FRMD4A: variants seen among roughly 807,000 people sequenced by gnomAD.
FRMD4A encodes the protein FERM domain-containing protein 4A.
In FRMD4A, 29 loss-of-function variants were observed where a neutral mutation model predicts 129.1. The observed-to-expected ratio is 0.22, with a 90% CI of 0.17 to 0.31. The LOEUF is 0.31. Ranked by LOEUF, FRMD4A falls within the 10% of genes least tolerant of loss-of-function variation. The probability of loss-of-function intolerance (pLI) is 1.00; values close to 1 mark genes in which losing one functional copy is unlikely to be tolerated. For synonymous variants in FRMD4A, 634 were observed against 571.6 expected (o/e 1.11, Z -1.56); for missense variants, 1,272 against 1,375.8 (o/e 0.92, Z 1.19).
intron 2 of FRMD4A, among the ~76,000 whole-genome samples, chr10:14,118,131 A>G (rs1838297730): frequency 6.6e-6 from 1 of 152,068 alleles, no homozygotes; most frequent in African/African-American, 2.4e-5. Context: ...TAAACTCCAA[A>G]CCTCCATATG....
rs566226178 is a variant in FRMD4A at position 14,139,797 on chromosome 10, A to G, written c.45+190261T>C. On this transcript the variant is annotated intron_variant, in intron 2 of 24. Coordinates refer to ENST00000357447, the MANE Select transcript of FRMD4A (RefSeq NM_018027.5). ...ATTGTTACTCTTGGGCTTCCGGGAC[A>G]GCAGATTTGGTTCAATTATCTTTCT... 4.6e-5 allele frequency among the ~76,000 whole-genome samples: 7 copies of G among 152,298 alleles called. No individual in the cohort carries two copies. In the East Asian group the frequency reaches 1.2e-3, roughly 25 times the overall value.
intron 2 of FRMD4A, among the ~76,000 whole-genome samples, chr10:14,190,679 T>G (rs989422608): frequency 6.6e-6 from 1 of 152,210 alleles, no homozygotes; most frequent in Admixed American, 6.5e-5. Context: ...AGCCCCGGCA[T>G]CTGTCAACAC....
chr10:13,800,218 C>T (rs1372797939), intron 4 of FRMD4A, among the ~76,000 whole-genome samples: 1 of 152,066 alleles, frequency 6.6e-6, no homozygotes, highest in African/African-American at 2.4e-5. Context: ...CATGACCTAT[C>T]TCTCAACGAT....
intron 2 of FRMD4A, among the ~76,000 whole-genome samples, chr10:14,059,550 A>T (rs1282252397): frequency 1.3e-5 from 2 of 152,310 alleles, no homozygotes; most frequent in South Asian, 2.1e-4. Flanking sequence ...TAAGCAAGGA[A>T]GAGAGCTCTC....
At chr10:14,304,460 T>G (rs1279714410) in intron 2 of FRMD4A, among the ~76,000 whole-genome samples, 1 of 152,230 alleles carries the variant, frequency 6.6e-6, no homozygotes, top group East Asian at 1.9e-4. Flanking sequence ...CAGCGTCTCC[T>G]GATTTCTTGC....
chr10:14,241,858 G>A (rs1844061200), intron 2 of FRMD4A, among the ~76,000 whole-genome samples: 1 of 152,028 alleles, frequency 6.6e-6, no homozygotes, highest in Non-Finnish European at 1.5e-5. Flanking sequence ...GGACCCCAAG[G>A]CCACACATGC....
chr10:13,688,216 A>G (rs1054522599), intron 15 of FRMD4A, among the ~76,000 whole-genome samples: 9 of 152,204 alleles, frequency 5.9e-5, no homozygotes, highest in Admixed American at 5.9e-4. Flanking sequence ...ATGCAGCCAT[A>G]AAAAATGATG....
Position 14,107,440 on chromosome 10 carries a change from G to A in FRMD4A, c.45+222618C>T, listed in dbSNP as rs1169254015. On this transcript the variant is annotated intron_variant, in intron 2 of 24. Coordinates refer to ENST00000357447, the MANE Select transcript of FRMD4A (RefSeq NM_018027.5). ...ATGCCATCAACCGATGTATATTTAGGATTTTTTAAAAAATATTTAGGAGTT... is the reference window on the plus strand; with the variant it reads ...ATGCCATCAACCGATGTATATTTAGAATTTTTTAAAAAATATTTAGGAGTT... Among the ~76,000 whole-genome samples the A allele has an allele frequency of 7.2e-5, 11 of 152,200 alleles. 1 individual carries two copies. The highest frequency in any genetic ancestry group is 6.8e-3 in the Middle Eastern group (2 of 294).
intron 2 of FRMD4A, among the ~76,000 whole-genome samples, chr10:14,231,385 CA>C (rs1245290300): frequency 6.6e-6 from 1 of 151,540 alleles, no homozygotes; most frequent in Non-Finnish European, 1.5e-5. Flanking sequence ...CTCTGTCACC[CA>C]GGCTGGAGTG....
chr10:14,121,785 G>A (rs141321667), intron 2 of FRMD4A, among the ~76,000 whole-genome samples: 2 of 152,306 alleles, frequency 1.3e-5, no homozygotes, highest in South Asian at 2.1e-4. Flanking sequence ...GGTTGACAGC[G>A]TGAACTTGGG....
chr10:13,844,088 G>C (rs986884076), intron 3 of FRMD4A, among the ~76,000 whole-genome samples: 2 of 152,178 alleles, frequency 1.3e-5, no homozygotes, highest in Admixed American at 1.3e-4. Flanking sequence ...GAGAGTGTGT[G>C]TGTGTTATAT....
chr10:13,915,057 C>T (rs2131239333), intron 2 of FRMD4A, among the ~76,000 whole-genome samples: 1 of 152,242 alleles, frequency 6.6e-6, no homozygotes, highest in East Asian at 1.9e-4. Flanking sequence ...CCACAACAAA[C>T]CACAGTGTTC....
intron 3 of FRMD4A, among the ~76,000 whole-genome samples, chr10:13,812,249 G>A (rs1404605353): frequency 2.6e-5 from 4 of 152,176 alleles, no homozygotes; most frequent in Non-Finnish European, 5.9e-5. Context: ...AAATGCATGC[G>A]TTAAAGCTCT....
intron 2 of FRMD4A, among the ~76,000 whole-genome samples, chr10:14,020,055 C>T (rs1054798005): frequency 2.0e-5 from 3 of 152,174 alleles, no homozygotes; most frequent in Admixed American, 6.5e-5. Flanking sequence ...AGGACAAAGA[C>T]GTCACTGAGG....
chr10:13,807,193 G>A (rs978632605), intron 4 of FRMD4A, among the ~76,000 whole-genome samples: 1 of 152,172 alleles, frequency 6.6e-6, no homozygotes, highest in African/African-American at 2.4e-5. Context: ...TTGTTTGCAT[G>A]TATCACCACG....
intron 5 of FRMD4A, among the ~76,000 whole-genome samples, chr10:13,785,982 T>G (rs2092848974): frequency 6.6e-6 from 1 of 152,264 alleles, no homozygotes; most frequent in Admixed American, 6.5e-5. Flanking sequence ...TAGTATTCCA[T>G]GGTGTATATG....
chr10:14,094,128 G>A (rs576671234), intron 2 of FRMD4A, among the ~76,000 whole-genome samples: 19 of 152,364 alleles, frequency 1.2e-4, no homozygotes, highest in African/African-American at 4.6e-4. Flanking sequence ...CAGCTCAGGT[G>A]AGCAACTTCT....
At chr10:13,649,446 G>A (rs1003538583) in intron 24 of FRMD4A, 5 of 126,838 alleles carry the variant, frequency 3.9e-5, no homozygotes, top group African/African-American at 1.1e-4. Flanking sequence ...GGATCTGGAT[G>A]ATGGGGTGGG....
chr10:14,205,187 C>T (rs150901173), intron 2 of FRMD4A, among the ~76,000 whole-genome samples: 75 of 151,726 alleles, frequency 4.9e-4, no homozygotes, highest in Middle Eastern at 6.8e-3. Context: ...TAATCTCAGG[C>T]GACTAAGTTA....
Sources: allele counts gnomAD v4.1 joint callset (sites outside exome capture counted in the v4.1 genomes callset), GRCh38; gene constraint gnomAD v4.1.1; transcripts MANE v1.5; gene names NCBI Gene and HGNC (gene_info 2026-07-23, HGNC 2026-07-21).